The following HTT variants were observed in gnomAD, a reference collection of about 807,000 sequenced individuals.
HTT encodes the protein huntingtin, also known as huntington disease protein.
HTT carries 104 observed loss-of-function variants against 362.3 expected under a neutral mutation model. That is an observed-to-expected ratio of 0.29 (90% CI 0.24 to 0.34). The LOEUF (loss-of-function observed/expected upper bound fraction) is 0.34, where lower values mean the gene tolerates loss of function less well. HTT is among the 10% of genes least tolerant of loss of function. The pLI, the probability that HTT is intolerant of heterozygous loss-of-function variation, is 1.00. For synonymous variants in HTT, 1,577 were observed against 1,548.7 expected (o/e 1.02, Z -0.43); for missense variants, 3,301 against 3,928.6 (o/e 0.84, Z 4.27).
chr4:3,130,248 A>G, intron 13 of HTT, 57 bp from the exon 14 acceptor site: 4 of 1,145,424 alleles, frequency 3.5e-6, no homozygotes, highest in Non-Finnish European at 3.8e-6. Flanking sequence ...GCATAAATGT[A>G]TAATTGTATT....
intron 2 of HTT, among the ~76,000 whole-genome samples, chr4:3,089,346 C>T (rs989202047): frequency 1.2e-4 from 18 of 152,082 alleles, no homozygotes; most frequent in Non-Finnish European, 5.9e-5. Context: ...CTCCACCTCC[C>T]GGGTTCACGC....
intron 33 of HTT, among the ~76,000 whole-genome samples, chr4:3,176,352 C>T (rs1718245533): frequency 6.6e-6 from 1 of 152,182 alleles, no homozygotes; most frequent in Admixed American, 6.5e-5. Context: ...ATGAAGGAGG[C>T]ATCAAGGGGT....
intron 24 of HTT, among the ~76,000 whole-genome samples, chr4:3,145,910 G>A (rs941874734): frequency 2.6e-5 from 4 of 152,134 alleles, no homozygotes; most frequent in Non-Finnish European, 5.9e-5. Context: ...GAGCAGCTAC[G>A]GTTTCTAATC....
intron 14 of HTT, among the ~76,000 whole-genome samples, chr4:3,130,687 G>A (rs1715767812): frequency 1.3e-5 from 2 of 152,082 alleles, no homozygotes. Context: ...CTGATTTCTT[G>A]GATCATTCAT....
At chr4:3,143,609 TA>T (rs201187901) in intron 23 of HTT, among the ~76,000 whole-genome samples, 8,386 of 151,406 alleles carry the variant, frequency 0.055, 288 homozygotes, top group African/African-American at 0.093. Context: ...TTAATTTTAT[TA>T]TTTTTTTTTT....
Position 3,172,331 on chromosome 4 carries a change from G to A in HTT, c.3876G>A (p.Glu1292=). Residue 1292 remains glutamate, a synonymous_variant, in exon 30 of 67, where the codon GAG becomes GAA. Transcript: ENST00000355072. ...TTGTCTTTCTACAGTGTGTTGAAGA[G>A]ATCCTAGGATACCTGAAATCCTGCT... ...TLQDIGKCVE[E]ILGYLKSCFS... 1 of 1,600,462 alleles carries A rather than the reference G, an allele frequency of 6.2e-7. No individual in the cohort carries two copies. The highest frequency in any genetic ancestry group is 8.6e-7 in the Non-Finnish European group (1 of 1,167,658).
intron 1 of HTT, among the ~76,000 whole-genome samples, chr4:3,081,560 T>A (rs991676366): frequency 7.7e-6 from 1 of 129,246 alleles, no homozygotes; most frequent in Non-Finnish European, 1.6e-5. Context: ...CTTTTTTTTT[T>A]TTTTTTTTTT....
At chr4:3,115,991 T>C (rs898589084) in intron 7 of HTT, 94 bp from the exon 8 acceptor site, 6 of 1,165,124 alleles carry the variant, frequency 5.1e-6, no homozygotes, top group Non-Finnish European at 7.6e-6. Context: ...TGTGCCATCT[T>C]GATCTCTCAG....
chr4:3,113,764 G>T (rs183325374), intron 6 of HTT, among the ~76,000 whole-genome samples: 73 of 152,224 alleles, frequency 4.8e-4, no homozygotes, highest in Admixed American at 9.8e-4. Flanking sequence ...TCCTGTGGCT[G>T]GGGGGTGGGG....
chr4:3,075,878 A>G (rs1560535920), intron 1 of HTT, among the ~76,000 whole-genome samples: 1 of 152,074 alleles, frequency 6.6e-6, no homozygotes, highest in Non-Finnish European at 1.5e-5. Context: ...AAAGTGGTGA[A>G]CTTACGTGGT....
At chr4:3,168,375 T>G (rs1483513259) in intron 29 of HTT, among the ~76,000 whole-genome samples, 1 of 152,218 alleles carries the variant, frequency 6.6e-6, no homozygotes, top group Non-Finnish European at 1.5e-5. Flanking sequence ...TGGCGACGGG[T>G]ATGAGCAGGT....
rs992726752 is a variant in HTT at position 3,239,092 on chromosome 4, G to A, written c.9215+114G>A. The A allele has an allele frequency of 8.2e-5, 90 of 1,101,172 alleles. No individual in the cohort carries two copies. In the Middle Eastern group the frequency reaches 1.4e-3, roughly 17 times the overall value. The allele number at this position is 1,101,172 out of a possible 1,614,324, so 68.2% of individuals were successfully genotyped here. A position where few individuals can be genotyped will look rare whatever the true frequency, so the allele number is the denominator to read the frequency against. On this transcript the variant is annotated intron_variant, in intron 66 of 66. Transcript: ENST00000355072. ...TTGCAAAAACCCCACAGATGCCAGGGTGACAGGCCCTCAGCCCCAGGGAAG... is the reference window on the plus strand; with the variant it reads ...TTGCAAAAACCCCACAGATGCCAGGATGACAGGCCCTCAGCCCCAGGGAAG...
intron 4 of HTT, among the ~76,000 whole-genome samples, chr4:3,104,183 C>T (rs1378804640): frequency 6.6e-6 from 1 of 152,022 alleles, no homozygotes; most frequent in African/African-American, 2.4e-5. Flanking sequence ...CTGCAACCTC[C>T]GCCTCCCGGG....
intron 36 of HTT, among the ~76,000 whole-genome samples, chr4:3,181,831 T>C (rs184936936): frequency 1.3e-5 from 2 of 152,176 alleles, no homozygotes; most frequent in Non-Finnish European, 2.9e-5. Flanking sequence ...AGCCACATGT[T>C]CAGTGAGCTC....
Position 3,209,807 on chromosome 4 carries a change from A to G in HTT, c.6292-20A>G. 6.2e-7 allele frequency: 1 copy of G among 1,612,560 alleles called. No homozygotes were observed. The highest frequency in any genetic ancestry group is 8.5e-7 in the Non-Finnish European group (1 of 1,179,194). On this transcript the variant is annotated intron_variant, in intron 46 of 66. Coordinates refer to ENST00000355072, the MANE Select transcript of HTT (RefSeq NM_001388492.1). Reference sequence around the variant, plus strand: ...GAACGCCGCCCATCATGTTCCCCTTATCCATTTTTTTCTTCCCAGGACTGG... The same window carrying G: ...GAACGCCGCCCATCATGTTCCCCTTGTCCATTTTTTTCTTCCCAGGACTGG...
At chr4:3,166,986 C>T (rs1222412004) in intron 29 of HTT, among the ~76,000 whole-genome samples, 1 of 152,240 alleles carries the variant, frequency 6.6e-6, no homozygotes, top group Non-Finnish European at 1.5e-5. Flanking sequence ...CTAGGTACCT[C>T]AGTTGGAAAT....
intron 33 of HTT, among the ~76,000 whole-genome samples, chr4:3,175,803 G>A (rs1015929022): frequency 2.6e-5 from 4 of 152,288 alleles, no homozygotes; most frequent in South Asian, 4.1e-4. Context: ...TTTTTGAGCC[G>A]TGATCTTGGG....
intron 40 of HTT, among the ~76,000 whole-genome samples, chr4:3,196,997 C>G (rs972172085): frequency 2.0e-5 from 3 of 152,156 alleles, no homozygotes; most frequent in African/African-American, 7.2e-5. Flanking sequence ...CTCTTGCCCT[C>G]TTTACTAAAA....
intron 3 of HTT, among the ~76,000 whole-genome samples, chr4:3,099,606 T>G (rs1714043276): frequency 6.6e-6 from 1 of 150,842 alleles, no homozygotes; most frequent in African/African-American, 2.4e-5. Flanking sequence ...TTGGAGGTGC[T>G]CTGTTGTATG....
Sources: gnomAD v4.1 joint callset for allele counts (sites outside exome capture counted in the v4.1 genomes callset) on GRCh38, gnomAD v4.1.1 for gene constraint, MANE v1.5 for transcripts, NCBI Gene and HGNC (gene_info 2026-07-23, HGNC 2026-07-21) for gene names.